Variants in GRIA4 observed in about 807,000 individuals in gnomAD.
GRIA4 encodes the protein glutamate receptor 4.
Under a neutral mutation model 104.0 loss-of-function variants are expected in GRIA4, and 34 were observed. The observed-to-expected ratio is 0.33, with a 90% CI of 0.25 to 0.44. The LOEUF (loss-of-function observed/expected upper bound fraction) is 0.44. Ranked by LOEUF, GRIA4 falls within the 20% of genes least tolerant of loss-of-function variation. The pLI is 1.00. For synonymous variants in GRIA4, 386 were observed against 381.9 expected, an observed-to-expected ratio of 1.01 and a Z score of -0.13; for missense variants, 750 against 1,096.5, an observed-to-expected ratio of 0.68 and a Z score of 4.46.
intron 16 of GRIA4, chr11:105,975,065 A>G (rs1406933970): frequency 1.3e-5 from 2 of 153,630 alleles, no homozygotes; most frequent in Non-Finnish European, 2.9e-5. Context: ...CTCCTCTTCT[A>G]ATTTGTTTTA....
intron 3 of GRIA4, among the ~76,000 whole-genome samples, chr11:105,661,999 GTGTGTGTT>G (rs748269109): frequency 7.9e-4 from 31 of 39,404 alleles, no homozygotes; most frequent in Non-Finnish European, 1.5e-3. Context: ...AACTGTGTGT[GTGTGTGTT>G]TGTGTGTGTG....
At chr11:105,978,150 T>C (rs746900773) in intron 16 of GRIA4, among the ~76,000 whole-genome samples, 8 of 152,046 alleles carry the variant, frequency 5.3e-5, no homozygotes, top group Non-Finnish European at 8.8e-5. Flanking sequence ...ACAAGAAAGA[T>C]AAAAAGTATC....
rs1385732184 is a variant in GRIA4, at chr11:105,826,321, A to T, written c.488-35703A>T. Among the ~76,000 whole-genome samples, 3 of 151,982 alleles carry T rather than the reference A, an allele frequency of 2.0e-5. No individual in the cohort carries two copies. In the East Asian group the frequency reaches 5.8e-4, roughly 30 times the overall value. On this transcript the variant is annotated intron_variant, in intron 4 of 16. Transcript: ENST00000282499. ...GTAGACTTCTTTGGGTCAGTTTCTC[A>T]TTCCCCATGGGACACCTGCATCTGA...
intron 11 of GRIA4, among the ~76,000 whole-genome samples, chr11:105,919,671 T>C (rs2136186191): frequency 6.6e-6 from 1 of 152,274 alleles, no homozygotes; most frequent in African/African-American, 2.4e-5. Flanking sequence ...TGTCTTCAGC[T>C]ACCACTGTAA....
chr11:105,914,792 A>G (rs1476997542), intron 10 of GRIA4, among the ~76,000 whole-genome samples: 1 of 152,134 alleles, frequency 6.6e-6, no homozygotes, highest in Non-Finnish European at 1.5e-5. Flanking sequence ...AAAAGAGGTT[A>G]CTCTATCCTT....
At chr11:105,860,489 A>T (rs1945179656) in intron 4 of GRIA4, among the ~76,000 whole-genome samples, 2 of 152,154 alleles carry the variant, frequency 1.3e-5, no homozygotes, top group South Asian at 4.1e-4. Context: ...TTGCTATAGA[A>T]TGAGCTCAAA....
intron 5 of GRIA4, among the ~76,000 whole-genome samples, chr11:105,866,051 A>T (rs1459056008): frequency 6.6e-6 from 1 of 152,204 alleles, no homozygotes; most frequent in Non-Finnish European, 1.5e-5. Context: ...GGTCAGTTAC[A>T]TTATATCTCC....
chr11:105,674,754 G>A (rs568944067), intron 3 of GRIA4, among the ~76,000 whole-genome samples: 1 of 151,844 alleles, frequency 6.6e-6, no homozygotes, highest in Non-Finnish European at 1.5e-5. Flanking sequence ...TAAAAGAGGA[G>A]CATTGCAAGA....
At chr11:105,807,043 A>G (rs1942981228) in intron 4 of GRIA4, among the ~76,000 whole-genome samples, 1 of 151,716 alleles carries the variant, frequency 6.6e-6, no homozygotes, top group Admixed American at 6.6e-5. Flanking sequence ...AGAAGACAGA[A>G]AACTAAAAAT....
intron 4 of GRIA4, among the ~76,000 whole-genome samples, chr11:105,854,379 G>A (rs889035665): frequency 5.9e-5 from 9 of 152,168 alleles, no homozygotes; most frequent in Non-Finnish European, 1.2e-4. Context: ...ACAGCAGGGT[G>A]AAGCCTGAGC....
chr11:105,836,512 T>G (rs534818379), intron 4 of GRIA4, among the ~76,000 whole-genome samples: 1 of 152,282 alleles, frequency 6.6e-6, no homozygotes, highest in African/African-American at 2.4e-5. Flanking sequence ...TTTTTGTCCC[T>G]GCCTGGACAG....
At chr11:105,613,595 A>G (rs939978662) in intron 3 of GRIA4, 3 of 152,178 alleles carry the variant, frequency 2.0e-5, no homozygotes, top group Admixed American at 1.3e-4. Context: ...TTGAAAACAG[A>G]GTTTTTAAAT....
chr11:105,767,210 A>G (rs1940984638), intron 4 of GRIA4, among the ~76,000 whole-genome samples: 1 of 152,080 alleles, frequency 6.6e-6, no homozygotes. Context: ...CTGAATAGTT[A>G]TGGGGGAGGG....
At chr11:105,874,341 C>T (rs1591379759) in intron 5 of GRIA4, among the ~76,000 whole-genome samples, 1 of 152,152 alleles carries the variant, frequency 6.6e-6, no homozygotes. Flanking sequence ...AGTTTTAAGT[C>T]AGGTAGTGTG....
chr11:105,708,218 T>A (rs923626618), intron 3 of GRIA4, among the ~76,000 whole-genome samples: 9 of 152,128 alleles, frequency 5.9e-5, no homozygotes, highest in Non-Finnish European at 1.2e-4. Context: ...TATGCTGTCC[T>A]TCGTGTAATA....
intron 3 of GRIA4, among the ~76,000 whole-genome samples, chr11:105,627,223 G>C (rs560750874): frequency 6.6e-6 from 1 of 152,220 alleles, no homozygotes; most frequent in African/African-American, 2.4e-5. Context: ...AGCATTACAG[G>C]AAAAAGTGTA....
At chr11:105,909,396 T>C (rs1390036199) in intron 9 of GRIA4, among the ~76,000 whole-genome samples, 1 of 152,162 alleles carries the variant, frequency 6.6e-6, no homozygotes, top group Admixed American at 6.6e-5. Context: ...AAGAAGTTTG[T>C]CACGCATTAA....
intron 5 of GRIA4, among the ~76,000 whole-genome samples, chr11:105,883,276 CT>C (rs57069838): frequency 0.12 from 17,195 of 137,948 alleles, 1,153 homozygotes; most frequent in East Asian, 0.39. Flanking sequence ...TGCACCGTTT[CT>C]TTTTTTTTTT....
intron 3 of GRIA4, among the ~76,000 whole-genome samples, chr11:105,661,658 C>G (rs1952013484): frequency 7.0e-6 from 1 of 143,128 alleles, no homozygotes; most frequent in African/African-American, 2.6e-5. Context: ...TACATCTCGA[C>G]TTTGTTTTTA....
Sources: gnomAD v4.1 joint callset for allele counts (sites outside exome capture counted in the v4.1 genomes callset) on GRCh38, gnomAD v4.1.1 for gene constraint, MANE v1.5 for transcripts, NCBI Gene and HGNC (gene_info 2026-07-23, HGNC 2026-07-21) for gene names.